The following FAM227B variants were observed in gnomAD, a reference collection of about 807,000 sequenced individuals.
The protein encoded by FAM227B is family with sequence similarity 227 member B, also known as protein FAM227B.
FAM227B carries 88 observed loss-of-function variants against 73.8 expected under a neutral mutation model. That is an observed-to-expected ratio of 1.19 (90% CI 1.00 to 1.42). FAM227B has a LOEUF of 1.42. Ranked by LOEUF, FAM227B falls within the 40% of genes most tolerant of loss-of-function variation. The pLI is 0.00. For missense variants in FAM227B, 632 were observed against 590.9 expected, an observed-to-expected ratio of 1.07 and a Z score of -0.72; for synonymous variants, 210 against 190.5, an observed-to-expected ratio of 1.10 and a Z score of -0.84.
chr15:49,552,783 G>A (rs1179777501), intron 9 of FAM227B, among the ~76,000 whole-genome samples: 1 of 151,978 alleles, frequency 6.6e-6, no homozygotes, highest in Non-Finnish European at 1.5e-5. Context: ...TCTGCAGTGT[G>A]CCAATTGCAT....
intron 11 of FAM227B, among the ~76,000 whole-genome samples, chr15:49,398,240 A>C (rs1567210533): frequency 6.6e-6 from 1 of 152,104 alleles, no homozygotes; most frequent in Non-Finnish European, 1.5e-5. Context: ...AAAGATCAAG[A>C]GAGACAAAGA....
At chr15:49,365,747 C>T (rs2045052215) in intron 13 of FAM227B, 6 of 866,698 alleles carry the variant, frequency 6.9e-6, no homozygotes, top group African/African-American at 1.6e-5. Flanking sequence ...AAAATCCAAG[C>T]CCACCTGTCT....
intron 13 of FAM227B, among the ~76,000 whole-genome samples, chr15:49,352,695 G>C (rs181267630): frequency 1.1e-4 from 17 of 152,248 alleles, no homozygotes; most frequent in African/African-American, 4.1e-4. Flanking sequence ...AGATAAGACA[G>C]TGAACAAATT....
At chr15:49,541,568 G>T in intron 10 of FAM227B, 112 bp downstream of exon 10, 2 of 961,512 alleles carry the variant, frequency 2.1e-6, no homozygotes, top group Non-Finnish European at 2.8e-6. Context: ...GCTATGGCAT[G>T]CTTTGTAAGA....
intron 11 of FAM227B, among the ~76,000 whole-genome samples, chr15:49,399,099 TA>T (rs1205197359): frequency 5.5e-5 from 8 of 144,672 alleles, no homozygotes; most frequent in Admixed American, 4.1e-4. Flanking sequence ...GATAGACCGC[TA>T]GCAAGACTAA....
intron 1 of FAM227B, among the ~76,000 whole-genome samples, chr15:49,619,007 CAT>C (rs1450857426): frequency 2.0e-5 from 3 of 152,158 alleles, no homozygotes; most frequent in African/African-American, 7.2e-5. Flanking sequence ...CAAATTGATA[CAT>C]GTCATTTTTA....
At chr15:49,503,238 C>T (rs1477363555) in intron 11 of FAM227B, among the ~76,000 whole-genome samples, 1 of 152,156 alleles carries the variant, frequency 6.6e-6, no homozygotes, top group African/African-American at 2.4e-5. Flanking sequence ...AAAGCTGAAA[C>T]TGGATCCCTT....
chr15:49,589,886 C>G lies in FAM227B; in HGVS notation c.227G>C (p.Arg76Pro). 6.2e-7 allele frequency: 1 copy of G among 1,603,876 alleles called. No individual in the cohort carries two copies. Among genetic ancestry groups the G allele is most frequent in the Non-Finnish European group, 8.5e-7 (1 of 1,170,928 alleles). ...CATGATCAAAAGTGCTTCAAATATTCGAGGAACATTTTCCCATAGGTGTGT... is the reference window on the plus strand; with the variant it reads ...CATGATCAAAAGTGCTTCAAATATTGGAGGAACATTTTCCCATAGGTGTGT... ...IYTHLWENVPRIFEALLIMES... is the reference protein window; with the variant it reads ...IYTHLWENVPPIFEALLIMES... Residue 76 changes from arginine to proline, a missense_variant, in exon 4 of 16, where the codon CGA becomes CCA. Arg to Pro is a moderately radical substitution (Grantham distance 103). Transcript: ENST00000299338.
chr15:49,572,766 G>T (rs1406984519), intron 8 of FAM227B, among the ~76,000 whole-genome samples: 1 of 151,986 alleles, frequency 6.6e-6, no homozygotes, highest in Non-Finnish European at 1.5e-5. Context: ...TTTAGGAGCT[G>T]GACTCAAGTC....
At chr15:49,357,566 T>C (rs1309484628) in intron 13 of FAM227B, among the ~76,000 whole-genome samples, 1 of 151,358 alleles carries the variant, frequency 6.6e-6, no homozygotes, top group African/African-American at 2.4e-5. Flanking sequence ...AACAGACCAA[T>C]AACAGGAGCT....
At chr15:49,353,438 T>A (rs1318980875) in intron 13 of FAM227B, 2 of 152,324 alleles carry the variant, frequency 1.3e-5, no homozygotes, top group South Asian at 2.1e-4. Context: ...AGAGGAAGTC[T>A]TTTATCTCTA....
At chr15:49,369,524 T>C (rs1474111523) in intron 12 of FAM227B, among the ~76,000 whole-genome samples, 2 of 152,086 alleles carry the variant, frequency 1.3e-5, no homozygotes, top group East Asian at 3.8e-4. Flanking sequence ...CAAGGGGTGA[T>C]TTGGGTACCT....
chr15:49,454,539 T>C (rs866898795), intron 11 of FAM227B, among the ~76,000 whole-genome samples: 4 of 152,336 alleles, frequency 2.6e-5, no homozygotes, highest in Middle Eastern at 3.4e-3. Context: ...TTAACTTATC[T>C]GTACTTTAAG....
In FAM227B at chr15:49,327,563, G is replaced by A. The variant is rs1354508575; in HGVS notation, c.*1005C>T. 6.3e-6 allele frequency: 1 copy of A among 158,290 alleles called. No homozygotes were observed. Among genetic ancestry groups the A allele is most frequent in the Non-Finnish European group, 1.4e-5 (1 of 72,230 alleles). The allele number at this position is 158,290 out of a possible 1,614,324, so 9.8% of individuals were successfully genotyped here. ...TCATTTGGAGTGACCTTCTGATTCAGGGTTGCCTACATTTCTTTTACCATT... is the reference window on the plus strand; with the variant it reads ...TCATTTGGAGTGACCTTCTGATTCAAGGTTGCCTACATTTCTTTTACCATT... On this transcript the variant is annotated 3_prime_UTR_variant, in exon 16 of 16. Transcript: ENST00000299338.
chr15:49,469,522 A>G (rs1450917567), intron 11 of FAM227B, among the ~76,000 whole-genome samples: 1 of 152,114 alleles, frequency 6.6e-6, no homozygotes, highest in African/African-American at 2.4e-5. Flanking sequence ...AGTCAGAACA[A>G]GAAAAATTTA....
chr15:49,354,463 C>T lies in FAM227B; in HGVS notation c.1271+12985G>A, dbSNP rs533075972. ...CGCAAGGGGTCAGGGAGTTCCCTTT[C>T]CGAGTCAAAGAAAGGGGTGACGGAC... On this transcript the variant is annotated intron_variant, in intron 13 of 15. Transcript: ENST00000299338. Among the ~76,000 whole-genome samples the T allele has an allele frequency of 5.7e-3, 864 of 152,326 alleles. 4 individuals are homozygous for T. Among genetic ancestry groups the T allele is most frequent in the Non-Finnish European group, 9.4e-3 (641 of 68,036 alleles).
intron 14 of FAM227B, chr15:49,334,164 A>T: frequency 1.4e-6 from 1 of 719,710 alleles, no homozygotes; most frequent in Non-Finnish European, 1.7e-6. Context: ...TTTATGTAAC[A>T]TCTCTTCAAT....
intron 11 of FAM227B, among the ~76,000 whole-genome samples, chr15:49,456,805 A>G (rs943382577): frequency 6.6e-6 from 1 of 152,154 alleles, no homozygotes; most frequent in Non-Finnish European, 1.5e-5. Context: ...AATAAACAAA[A>G]GATACAGAGT....
At chr15:49,347,081 G>T (rs920507897) in intron 13 of FAM227B, among the ~76,000 whole-genome samples, 21 of 152,150 alleles carry the variant, frequency 1.4e-4, no homozygotes, top group Non-Finnish European at 2.5e-4. Flanking sequence ...TGTAAAATAG[G>T]ATTGCAGTTC....
Sources: allele counts gnomAD v4.1 joint callset (sites outside exome capture counted in the v4.1 genomes callset), GRCh38; gene constraint gnomAD v4.1.1; transcripts MANE v1.5; gene names NCBI Gene and HGNC (gene_info 2026-07-23, HGNC 2026-07-21).